ROBO1: variants seen among roughly 807,000 people sequenced by gnomAD.
ROBO1 encodes roundabout guidance receptor 1, also known as roundabout homolog 1.
A neutral mutation model predicts 195.9 loss-of-function variants in ROBO1; 149 were observed. The observed-to-expected ratio is 0.76, with a 90% CI of 0.67 to 0.87. The LOEUF (loss-of-function observed/expected upper bound fraction) is 0.87. Among genes scored for constraint, ROBO1 ranks in the 40% least tolerant of loss-of-function variants. The pLI is 0.00. For missense variants in ROBO1, 1,933 were observed against 2,068.3 expected (o/e 0.93, Z 1.27); for synonymous variants, 816 against 733.2 (o/e 1.11, Z -1.82).
intron 2 of ROBO1, among the ~76,000 whole-genome samples, chr3:79,302,432 C>T (rs1313513926): frequency 6.6e-6 from 1 of 152,104 alleles, no homozygotes; most frequent in Non-Finnish European, 1.5e-5. Flanking sequence ...AGTGTATTTG[C>T]TTTTTGAAAT....
chr3:78,899,219 G>C (rs1206162585), intron 4 of ROBO1, among the ~76,000 whole-genome samples: 1 of 152,158 alleles, frequency 6.6e-6, no homozygotes, highest in East Asian at 1.9e-4. Context: ...ACTTAAATAA[G>C]TAAGTGCATT....
intron 3 of ROBO1, among the ~76,000 whole-genome samples, chr3:78,942,335 T>G (rs1385079204): frequency 6.6e-6 from 1 of 151,948 alleles, no homozygotes; most frequent in Non-Finnish European, 1.5e-5. Flanking sequence ...GAGCCAGAAC[T>G]TAGACATTAA....
intron 3 of ROBO1, among the ~76,000 whole-genome samples, chr3:78,977,093 C>A (rs748896723): frequency 2.6e-5 from 4 of 152,112 alleles, no homozygotes; most frequent in Admixed American, 6.6e-5. Flanking sequence ...AAAAACACTT[C>A]TTTCTCTTGT....
At chr3:78,879,322 G>T (rs2036041244) in intron 4 of ROBO1, among the ~76,000 whole-genome samples, 1 of 152,092 alleles carries the variant, frequency 6.6e-6, no homozygotes, top group Non-Finnish European at 1.5e-5. Flanking sequence ...ATATATGTGT[G>T]ACAGGGAGCA....
chr3:79,580,879 T>A (rs752457679), intron 2 of ROBO1, among the ~76,000 whole-genome samples: 2 of 152,180 alleles, frequency 1.3e-5, no homozygotes, highest in Non-Finnish European at 2.9e-5. Context: ...CATTTCTCAT[T>A]TTAATAGTCA....
chr3:78,907,938 C>T (rs1198719923), intron 4 of ROBO1, among the ~76,000 whole-genome samples: 2 of 151,892 alleles, frequency 1.3e-5, no homozygotes, highest in African/African-American at 4.8e-5. Context: ...AGCATTTTGA[C>T]TTTATTTCCT....
chr3:79,206,152 A>T (rs2081861714), intron 2 of ROBO1, among the ~76,000 whole-genome samples: 1 of 152,194 alleles, frequency 6.6e-6, no homozygotes, highest in South Asian at 2.1e-4. Flanking sequence ...CATGTGAATC[A>T]TCCCTTTGTC....
chr3:79,718,744 C>T (rs138422539), intron 1 of ROBO1, among the ~76,000 whole-genome samples: 4 of 152,002 alleles, frequency 2.6e-5, no homozygotes, highest in African/African-American at 9.6e-5. Context: ...TAAAGATATT[C>T]TTATTAAGCA....
intron 3 of ROBO1, among the ~76,000 whole-genome samples, chr3:79,120,886 A>T (rs1466213832): frequency 6.6e-6 from 1 of 152,178 alleles, no homozygotes; most frequent in East Asian, 1.9e-4. Context: ...ATAAAGTGAC[A>T]GTAAGATAAT....
intron 5 of ROBO1, among the ~76,000 whole-genome samples, chr3:78,734,880 A>T (rs2082359838): frequency 6.6e-6 from 1 of 152,172 alleles, no homozygotes; most frequent in Non-Finnish European, 1.5e-5. Context: ...CTCTGCATCT[A>T]AACACACTGC....
rs761367544 is a variant in ROBO1, at chr3:78,631,238, T to C, written c.3549A>G (p.Ala1183=). 1.2e-6 allele frequency: 2 copies of C among 1,613,412 alleles called. No individual in the cohort carries two copies. Among genetic ancestry groups the C allele is most frequent in the African/African-American group, 1.3e-5 (1 of 74,924 alleles). The change falls in exon 25 of 31, where the codon GCA becomes GCG. Residue 1183 remains alanine (A), a synonymous_variant. Transcript: ENST00000464233. ...GTGCTGGGGGAGGAGGAAGCAGGTC[T>C]GCCCAGTTCATGCCACCCTGTTTTG... ...KVPKQGGMNW[A]DLLPPPPAHP...
intron 2 of ROBO1, among the ~76,000 whole-genome samples, chr3:79,208,874 G>A (rs996632615): frequency 9.9e-5 from 15 of 151,994 alleles, no homozygotes; most frequent in African/African-American, 2.9e-4. Context: ...TGCCATACTC[G>A]GAGGGCAAGG....
intron 2 of ROBO1, among the ~76,000 whole-genome samples, chr3:79,226,595 C>T (rs898494218): frequency 1.3e-5 from 2 of 150,410 alleles, no homozygotes; most frequent in Non-Finnish European, 2.9e-5. Flanking sequence ...GTCTGGAGTG[C>T]AGTGGCATGA....
At chr3:79,662,212 A>G (rs1307645141) in intron 1 of ROBO1, among the ~76,000 whole-genome samples, 2 of 152,226 alleles carry the variant, frequency 1.3e-5, no homozygotes, top group East Asian at 1.9e-4. Context: ...TTAACTTCAC[A>G]TTGAAAAACG....
At chr3:79,675,375 G>A (rs559855532) in intron 1 of ROBO1, among the ~76,000 whole-genome samples, 1 of 152,122 alleles carries the variant, frequency 6.6e-6, no homozygotes, top group East Asian at 1.9e-4. Context: ...TCTAATGGAG[G>A]AGGGAGCTCA....
chr3:79,159,219 G>A (rs926054093), intron 2 of ROBO1, among the ~76,000 whole-genome samples: 4 of 151,862 alleles, frequency 2.6e-5, no homozygotes, highest in Middle Eastern at 3.2e-3. Context: ...CTTGAATAGG[G>A]AAAATGTTCT....
rs555149825 is a variant in ROBO1 at position 78,777,334 on chromosome 3, T to G, written c.500-30434A>C. Among the ~76,000 whole-genome samples, 6 of 152,262 alleles carry G rather than the reference T, an allele frequency of 3.9e-5. No homozygotes were observed. In the South Asian group the frequency reaches 1.2e-3, roughly 32 times the overall value. On this transcript the variant is annotated intron_variant, in intron 4 of 30. Coordinates refer to ENST00000464233, the MANE Select transcript of ROBO1 (RefSeq NM_002941.4). ...ACAGTATACAGCTAGTGATGTCAATTTAAAGACGATTTTGAAACAAGAGAC... is the reference window on the plus strand; with the variant it reads ...ACAGTATACAGCTAGTGATGTCAATGTAAAGACGATTTTGAAACAAGAGAC...
chr3:79,261,237 T>C (rs1214167287), intron 2 of ROBO1, among the ~76,000 whole-genome samples: 1 of 152,076 alleles, frequency 6.6e-6, no homozygotes, highest in Non-Finnish European at 1.5e-5. Flanking sequence ...TGAATATCTC[T>C]CTGCAGATTC....
At chr3:78,879,801 C>T (rs2036075796) in intron 4 of ROBO1, among the ~76,000 whole-genome samples, 1 of 152,084 alleles carries the variant, frequency 6.6e-6, no homozygotes, top group Non-Finnish European at 1.5e-5. Context: ...CCAGCACAAG[C>T]CTTAGGATAA....
Sources: allele counts gnomAD v4.1 joint callset (sites outside exome capture counted in the v4.1 genomes callset), GRCh38; gene constraint gnomAD v4.1.1; transcripts MANE v1.5; gene names NCBI Gene and HGNC (gene_info 2026-07-23, HGNC 2026-07-21).